DOCK2: variants seen among roughly 807,000 people sequenced by gnomAD.
The protein encoded by DOCK2 is dedicator of cytokinesis protein 2.
A neutral mutation model predicts 248.9 loss-of-function variants in DOCK2; 87 were observed. The observed-to-expected ratio is 0.35, with a 90% CI of 0.29 to 0.42. The LOEUF (loss-of-function observed/expected upper bound fraction) is 0.42. Among genes scored for constraint, DOCK2 ranks in the 10% least tolerant of loss-of-function variants. The pLI is 1.00. For missense variants in DOCK2, 1,747 were observed against 2,300.2 expected (o/e 0.76, Z 4.92); for synonymous variants, 805 against 821.6 (o/e 0.98, Z 0.35).
At chr5:170,057,887 T>G (rs1467886665) in intron 44 of DOCK2, among the ~76,000 whole-genome samples, 1 of 152,164 alleles carries the variant, frequency 6.6e-6, no homozygotes, top group Non-Finnish European at 1.5e-5. Context: ...AAATGAAACT[T>G]TCCATGGCCT....
chr5:169,928,642 A>T (rs1038849528), intron 27 of DOCK2, among the ~76,000 whole-genome samples: 2 of 152,236 alleles, frequency 1.3e-5, no homozygotes, highest in African/African-American at 4.8e-5. Flanking sequence ...AAACTTTTAA[A>T]AGAGGCAGAG....
chr5:169,899,406 G>A (rs1773793544), intron 27 of DOCK2, among the ~76,000 whole-genome samples: 1 of 152,188 alleles, frequency 6.6e-6, no homozygotes, highest in South Asian at 2.1e-4. Context: ...CCTGGAGGGA[G>A]AGCCTGCCTA....
chr5:169,787,002 A>T (rs1315118865), intron 25 of DOCK2, among the ~76,000 whole-genome samples: 5 of 152,214 alleles, frequency 3.3e-5, no homozygotes, highest in Non-Finnish European at 7.3e-5. Flanking sequence ...TCCATGGGCC[A>T]GGTATGCTGA....
intron 22 of DOCK2, among the ~76,000 whole-genome samples, chr5:169,739,222 G>T (rs903322306): frequency 6.6e-6 from 1 of 152,164 alleles, no homozygotes; most frequent in Non-Finnish European, 1.5e-5. Flanking sequence ...TAATAACTTG[G>T]CATTTCTTGG....
intron 33 of DOCK2, 103 bp downstream of exon 33, chr5:170,019,211 C>T (rs752336032): frequency 4.8e-5 from 74 of 1,553,068 alleles, no homozygotes; most frequent in South Asian, 8.4e-5. Context: ...TTGAGAGGCT[C>T]GGCGGCAGGA....
rs530264795 is a variant in DOCK2 at position 169,789,161 on chromosome 5, C to G, written c.2555-13897C>G. On this transcript the variant is annotated intron_variant, in intron 25 of 51. Coordinates refer to ENST00000520908, the MANE Select transcript of DOCK2 (RefSeq NM_004946.3). The stretch of plus-strand genomic sequence containing the variant: ...TCCAGCTCCATCCATGTCCCTGTCT[C>G]CACTCATACCTTTGGACATGATCTT... Among the ~76,000 whole-genome samples, 7 of 152,296 alleles carry G rather than the reference C, an allele frequency of 4.6e-5. No individual in the cohort carries two copies. The South Asian group carries it at 1.2e-3, about 27-fold the overall frequency.
At chr5:169,802,597 T>C (rs1411808127) in intron 25 of DOCK2, among the ~76,000 whole-genome samples, 2 of 151,994 alleles carry the variant, frequency 1.3e-5, no homozygotes, top group African/African-American at 4.8e-5. Context: ...AAAATCAAGG[T>C]TCAGAGTAAT....
rs10055680 is a variant in DOCK2, at chr5:169,963,219, G to A, written c.2800-19849G>A. On this transcript the variant is annotated intron_variant, in intron 27 of 51. Coordinates refer to ENST00000520908, the MANE Select transcript of DOCK2 (RefSeq NM_004946.3). ...ATGTTGCCTCTTTAAAGTGGTCCAC[G>A]TGGGGTGGGTATCAGTTTATGTCCA... Among the ~76,000 whole-genome samples, 788 of 152,288 alleles carry A rather than the reference G, an allele frequency of 5.2e-3. 5 individuals carry two copies. Among genetic ancestry groups the A allele is most frequent in the African/African-American group, 0.016 (685 of 41,546 alleles).
chr5:170,025,792 C>CTTCCTTCCTTCT (rs1755886935), intron 33 of DOCK2, among the ~76,000 whole-genome samples: 1 of 49,074 alleles, frequency 2.0e-5, no homozygotes, highest in African/African-American at 7.6e-5. Context: ...CCTTCCCTCC[C>CTTCCTTCCTTCT]TTCCTTCCTT....
At position 169,764,646 on chromosome 5, in the gene DOCK2, G is replaced by C. The variant is rs892416069; in HGVS notation, c.2554+3021G>C. Among the ~76,000 whole-genome samples, 2 of 152,158 alleles carry C rather than the reference G, an allele frequency of 1.3e-5. No homozygotes were observed. Among genetic ancestry groups the C allele is most frequent in the Non-Finnish European group, 2.9e-5 (2 of 68,018 alleles). ...ATACTAAACAGCAATTGTTATTATT[G>C]GTGTTGTGGTTGTTTTTCCTGCTGA... On this transcript the variant is annotated intron_variant, in intron 25 of 51. Coordinates refer to ENST00000520908, the MANE Select transcript of DOCK2 (RefSeq NM_004946.3). This position sits in a 1 kb window ranked among gnomAD's most constrained non-coding sequence, Gnocchi z 4.3.
chr5:169,883,715 G>T (rs1772804760), intron 27 of DOCK2: 2 of 1,551,412 alleles, frequency 1.3e-6, no homozygotes, highest in Non-Finnish European at 1.7e-6. Context: ...ATCACAGCCG[G>T]GTCTTCTGGA....
In DOCK2 at chr5:170,004,843, C is replaced by T. The variant is rs572440089; in HGVS notation, c.3073-3654C>T. On this transcript the variant is annotated intron_variant, in intron 30 of 51. Coordinates refer to ENST00000520908, the MANE Select transcript of DOCK2 (RefSeq NM_004946.3). The stretch of plus-strand genomic sequence containing the variant: ...CAAAAAACCAAACACCGCATATTCT[C>T]ACTCATAGGTGGGAACTGAAAAATG... 4.5e-3 allele frequency among the ~76,000 whole-genome samples: 672 copies of T among 148,666 alleles called. 4 individuals are homozygous for T. Among genetic ancestry groups the T allele is most frequent in the African/African-American group, 0.015 (616 of 40,252 alleles).
intron 1 of DOCK2, 90 bp from the exon 2 acceptor site, chr5:169,654,313 G>A (rs1757971597): frequency 1.4e-6 from 2 of 1,454,548 alleles, no homozygotes; most frequent in African/African-American, 2.8e-5. Context: ...GCGTGGGCAT[G>A]GGATGGACTT....
intron 22 of DOCK2, among the ~76,000 whole-genome samples, chr5:169,727,837 G>A (rs1762564032): frequency 6.6e-6 from 1 of 152,158 alleles, no homozygotes; most frequent in African/African-American, 2.4e-5. Flanking sequence ...TTTTGGCGGT[G>A]GGGAGCCACT....
intron 50 of DOCK2, 156 bp downstream of exon 50, chr5:170,080,439 C>T (rs1757988638): frequency 2.6e-6 from 3 of 1,147,086 alleles, no homozygotes; most frequent in Non-Finnish European, 3.6e-6. Flanking sequence ...CCTCTAATCT[C>T]TCCCCACACC....
At chr5:169,677,081 A>G (rs1405726524) in intron 6 of DOCK2, among the ~76,000 whole-genome samples, 1 of 152,156 alleles carries the variant, frequency 6.6e-6, no homozygotes, top group African/African-American at 2.4e-5. Flanking sequence ...GTGTGAGCTG[A>G]GAAACCAACA....
At chr5:169,826,205 A>G (rs142424236) in intron 26 of DOCK2, among the ~76,000 whole-genome samples, 7 of 152,186 alleles carry the variant, frequency 4.6e-5, no homozygotes, top group Non-Finnish European at 8.8e-5. Context: ...GAAAGGTGTG[A>G]TCTAAAGAAA....
intron 46 of DOCK2, among the ~76,000 whole-genome samples, chr5:170,074,138 CT>C (rs1444480843): frequency 6.6e-6 from 1 of 151,562 alleles, no homozygotes; most frequent in African/African-American, 2.4e-5. Context: ...CATTAGCTTC[CT>C]TTTTTATATA....
rs1767138620 is a variant in DOCK2 at position 169,803,722 on chromosome 5, A to C, written c.2703+516A>C. ...TGGTAGGGAGATGCCTGTGGCCGTG[A>C]AGTTACTGTGTATTTTGTAGACGTC... On this transcript the variant is annotated intron_variant, in intron 26 of 51. Transcript: ENST00000520908. Among the ~76,000 whole-genome samples the C allele has an allele frequency of 2.0e-5, 3 of 152,096 alleles. No homozygotes were observed. The South Asian group carries it at 6.2e-4, about 32-fold the overall frequency.
Sources: allele counts gnomAD v4.1 joint callset (sites outside exome capture counted in the v4.1 genomes callset), GRCh38; gene constraint gnomAD v4.1.1; non-coding constraint Gnocchi (gnomAD v3.1); transcripts MANE v1.5; gene names NCBI Gene and HGNC (gene_info 2026-07-23, HGNC 2026-07-21).